Variants in SLC7A14 observed in about 807,000 individuals in gnomAD.
SLC7A14 encodes solute carrier family 7 member 14, also known as gamma-aminobutyric acid transporter SLC7A14.
A neutral mutation model predicts 60.2 loss-of-function variants in SLC7A14; 37 were observed. The ratio of observed to expected loss-of-function variants is 0.61; its 90% CI spans 0.47 to 0.81. The LOEUF (loss-of-function observed/expected upper bound fraction) is 0.81. Ranked by LOEUF, SLC7A14 falls within the 30% of genes least tolerant of loss-of-function variation. The probability of loss-of-function intolerance (pLI) is 0.00; values close to 1 mark genes in which losing one functional copy is unlikely to be tolerated. For missense variants in SLC7A14, 886 were observed against 982.7 expected, an observed-to-expected ratio of 0.90 and a Z score of 1.32; for synonymous variants, 399 against 395.8, an observed-to-expected ratio of 1.01 and a Z score of -0.10.
rs770262676 is a variant in SLC7A14 at position 170,501,137 on chromosome 3, C to T, written c.513G>A (p.Ala171=). The part of the protein sequence containing the change: ...LANHTISRWM[A]DSVGTLNGLG... ...GGCCATTGAGGGTTCCCACGCTGTC[C>T]GCCATCCAGCGGCTGATGGTGTGGT... is the stretch of plus-strand genomic sequence containing the variant. Residue 171 remains alanine, a synonymous_variant, in exon 3 of 8, where the codon GCG becomes GCA. Coordinates refer to ENST00000231706, the MANE Select transcript of SLC7A14 (RefSeq NM_020949.3). The T allele has an allele frequency of 1.4e-5, 22 of 1,614,084 alleles. No homozygotes were observed. The highest frequency in any genetic ancestry group is 2.2e-5 in the East Asian group (1 of 44,898).
At chr3:170,531,142 G>C (rs1214870303) in intron 1 of SLC7A14, among the ~76,000 whole-genome samples, 2 of 152,130 alleles carry the variant, frequency 1.3e-5, no homozygotes, top group Non-Finnish European at 2.9e-5. Context: ...CAGCAGAATT[G>C]AGGTTCCCTG....
rs890260154 is a variant in SLC7A14, at chr3:170,567,112, C to T, written c.-153+18799G>A. On this transcript the variant is annotated intron_variant, in intron 1 of 7. Transcript: ENST00000231706. ...CATGCTGGTGTGCTGCACCCATTAA[C>T]TCATCATTTAGCATTAGGTATATCT... Among the ~76,000 whole-genome samples, 3 of 149,330 alleles carry T rather than the reference C, an allele frequency of 2.0e-5. No individual in the cohort carries two copies. The East Asian group carries it at 6.0e-4, about 30-fold the overall frequency.
chr3:170,526,054 G>A (rs1713484402), intron 2 of SLC7A14, among the ~76,000 whole-genome samples: 1 of 151,762 alleles, frequency 6.6e-6, no homozygotes, highest in Non-Finnish European at 1.5e-5. Flanking sequence ...TCCAGTCTGG[G>A]CGACAGAGCA....
Position 170,579,944 on chromosome 3 carries a change from G to A in SLC7A14, c.-153+5967C>T, listed in dbSNP as rs116497615. ...TTTTCTGGGTGAAGCAGCAAGACAC[G>A]GTTCTCAGGAGTAGTCTATCTTGGC... is the stretch of plus-strand genomic sequence containing the variant. On this transcript the variant is annotated intron_variant, in intron 1 of 7. Transcript: ENST00000231706. Among the ~76,000 whole-genome samples, 773 of 152,300 alleles carry A rather than the reference G, an allele frequency of 5.1e-3. 8 individuals carry two copies. The highest frequency in any genetic ancestry group is 0.018 in the African/African-American group (731 of 41,574).
chr3:170,493,726 C>T (rs950837215), intron 4 of SLC7A14, among the ~76,000 whole-genome samples: 1 of 152,280 alleles, frequency 6.6e-6, no homozygotes, highest in South Asian at 2.1e-4. Context: ...AATGACTTTG[C>T]TGGACTTTGG....
At chr3:170,521,220 C>T (rs2108291047) in intron 2 of SLC7A14, among the ~76,000 whole-genome samples, 1 of 152,284 alleles carries the variant, frequency 6.6e-6, no homozygotes, top group South Asian at 2.1e-4. Context: ...TGGCAAGTTG[C>T]TATAACTTCC....
chr3:170,489,841 G>A (rs1712157579), intron 4 of SLC7A14, among the ~76,000 whole-genome samples: 1 of 151,668 alleles, frequency 6.6e-6, no homozygotes, highest in South Asian at 2.1e-4. Context: ...ATCAGGCATG[G>A]AAAGACAAAC....
chr3:170,537,200 C>T (rs1713875080), intron 1 of SLC7A14, among the ~76,000 whole-genome samples: 1 of 152,174 alleles, frequency 6.6e-6, no homozygotes, highest in Non-Finnish European at 1.5e-5. Context: ...CCGGAAGTTC[C>T]AGGGACAGTC....
rs149731884 is a variant in SLC7A14, at chr3:170,478,978, A to G, written c.1993+1311T>C. 9.4e-3 allele frequency among the ~76,000 whole-genome samples: 1,432 copies of G among 152,062 alleles called. 27 individuals are homozygous for G. Among genetic ancestry groups the G allele is most frequent in the South Asian group, 0.035 (167 of 4,816 alleles). ...CTCTACTAAAAACACAAAAATTAGC[A>G]GGGCATGGTGGCACTCACCTGTAAT... On this transcript the variant is annotated intron_variant, in intron 7 of 7. Transcript: ENST00000231706.
chr3:170,527,905 A>G (rs1030356051), intron 1 of SLC7A14, among the ~76,000 whole-genome samples: 2 of 152,218 alleles, frequency 1.3e-5, no homozygotes, highest in Admixed American at 6.5e-5. Context: ...ATACAAGTAA[A>G]TTGAATTTTC....
At chr3:170,562,032 C>A (rs1454397309) in intron 1 of SLC7A14, among the ~76,000 whole-genome samples, 3 of 152,188 alleles carry the variant, frequency 2.0e-5, no homozygotes, top group African/African-American at 7.2e-5. Context: ...AACACTTTTA[C>A]ACTGCTGGTG....
intron 1 of SLC7A14, among the ~76,000 whole-genome samples, chr3:170,533,650 AGTGT>A (rs55850380): frequency 7.2e-4 from 107 of 149,058 alleles, no homozygotes; most frequent in South Asian, 3.4e-3. Context: ...CATCTGGCCC[AGTGT>A]GTGTGTGTGT....
At chr3:170,533,720 G>T (rs955207944) in intron 1 of SLC7A14, among the ~76,000 whole-genome samples, 1 of 152,044 alleles carries the variant, frequency 6.6e-6, no homozygotes, top group Admixed American at 6.5e-5. Flanking sequence ...GCACAAGCAC[G>T]TGCCTCTTAA....
At chr3:170,473,653 C>T (rs1275486341) in intron 7 of SLC7A14, among the ~76,000 whole-genome samples, 2 of 152,070 alleles carry the variant, frequency 1.3e-5, no homozygotes, top group African/African-American at 4.8e-5. Context: ...GGTATCCTTC[C>T]CACCCCCACC....
intron 1 of SLC7A14, among the ~76,000 whole-genome samples, chr3:170,552,120 T>C (rs982537522): frequency 6.6e-6 from 1 of 152,208 alleles, no homozygotes; most frequent in African/African-American, 2.4e-5. Context: ...ACCTTCATTC[T>C]TTATCATGTG....
rs1409622216 is a variant in SLC7A14, at chr3:170,498,751, C to G, written c.675G>C (p.Trp225Cys). ...AGAGGCCTGCGATCATGATGAACAC[C>G]CATACTGCCAGGTTCAGCACATTGA... ...NVLNVLNLAV[W>C]VFIMIAGLFF... is the part of the protein sequence containing the mutation. Residue 225 changes from tryptophan (W) to cysteine (C), a missense_variant, in exon 4 of 8, where the codon TGG (tryptophan) becomes TGC (cysteine). Coordinates refer to ENST00000231706, the MANE Select transcript of SLC7A14 (RefSeq NM_020949.3). 6.2e-7 allele frequency: 1 copy of G among 1,614,178 alleles called. No individual in the cohort carries two copies. Among genetic ancestry groups the G allele is most frequent in the Admixed American group, 1.7e-5 (1 of 60,026 alleles).
At chr3:170,524,664 T>C (rs539455197) in intron 2 of SLC7A14, among the ~76,000 whole-genome samples, 1 of 152,234 alleles carries the variant, frequency 6.6e-6, no homozygotes, top group Non-Finnish European at 1.5e-5. Context: ...TAGAAACTCA[T>C]GGTGAGTCAA....
At chr3:170,578,337 A>G (rs1022394567) in intron 1 of SLC7A14, among the ~76,000 whole-genome samples, 7 of 152,246 alleles carry the variant, frequency 4.6e-5, no homozygotes, top group Admixed American at 2.6e-4. Flanking sequence ...AGATTCCCAC[A>G]CACAGGACTG....
At chr3:170,497,087 CAAAAAAAAAAAAA>C (rs548290941) in intron 4 of SLC7A14, among the ~76,000 whole-genome samples, 2,771 of 94,336 alleles carry the variant, frequency 0.029, 53 homozygotes, top group South Asian at 0.054. Context: ...TTATTTTGTC[CAAAAAAAAAAAAA>C]AAAAAAAAAA....
Sources: allele counts gnomAD v4.1 joint callset (sites outside exome capture counted in the v4.1 genomes callset), GRCh38; gene constraint gnomAD v4.1.1; transcripts MANE v1.5; gene names NCBI Gene and HGNC (gene_info 2026-07-23, HGNC 2026-07-21).